RBFOX1: variants seen among roughly 807,000 people sequenced by gnomAD.
RBFOX1 encodes RNA binding fox-1 homolog 1, also known as RNA binding protein fox-1 homolog 1.
Under a neutral mutation model 57.7 loss-of-function variants are expected in RBFOX1, and 8 were observed. The ratio of observed to expected loss-of-function variants is 0.14; its 90% CI spans 0.08 to 0.25. The LOEUF is 0.25. RBFOX1 is among the 10% of genes least tolerant of loss of function. The pLI is 1.00. For missense variants in RBFOX1, 611 were observed against 548.5 expected, an observed-to-expected ratio of 1.11 and a Z score of -1.14; for synonymous variants, 326 against 222.4, an observed-to-expected ratio of 1.47 and a Z score of -4.15.
At chr16:7,439,061 C>G (rs182344765) in intron 4 of RBFOX1, among the ~76,000 whole-genome samples, 1 of 151,858 alleles carries the variant, frequency 6.6e-6, no homozygotes, top group Non-Finnish European at 1.5e-5. Context: ...GTTGAGCCAA[C>G]GCAGAGTCTC....
intron 4 of RBFOX1, among the ~76,000 whole-genome samples, chr16:7,270,582 T>G (rs531780673): frequency 6.1e-4 from 93 of 152,298 alleles, no homozygotes; most frequent in African/African-American, 2.0e-3. Context: ...AGAATCATAT[T>G]TATTCCTATG....
chr16:6,806,839 T>TATATATATATATATATA lies in RBFOX1; in HGVS notation c.-16+152189_-16+152190insATATATATATATATATA, dbSNP rs869129348. Among the ~76,000 whole-genome samples, 35 of 109,746 alleles carry TATATATATATATATATA rather than the reference T, an allele frequency of 3.2e-4. 1 individual carries two copies. Among genetic ancestry groups the TATATATATATATATATA allele is most frequent in the African/African-American group, 1.1e-3 (33 of 29,670 alleles). 72.0% of individuals were successfully genotyped at this position (109,746 alleles called of 152,430 possible). ...ATAAATATATATATATATATATATT[T>TATATATATATATATATA]TTTTTTTTTTTTGAGAGAAAGTCTT... On this transcript the variant is annotated intron_variant, in intron 3 of 15. Coordinates refer to ENST00000550418, the MANE Select transcript of RBFOX1 (RefSeq NM_018723.4).
At chr16:5,768,157 G>T (rs76562532) in intron 3 of RBFOX1, among the ~76,000 whole-genome samples, 137 of 152,266 alleles carry the variant, frequency 9.0e-4, no homozygotes, top group Non-Finnish European at 1.5e-3. Flanking sequence ...ATGAATGCAT[G>T]TGTGGCCGCG....
intron 4 of RBFOX1, among the ~76,000 whole-genome samples, chr16:7,501,256 C>T (rs1381517517): frequency 2.0e-5 from 3 of 152,198 alleles, no homozygotes; most frequent in African/African-American, 2.4e-5. Flanking sequence ...ATTTCAAGCA[C>T]TAGAGTTACT....
At chr16:6,238,411 A>C (rs2097522807) in intron 1 of RBFOX1, among the ~76,000 whole-genome samples, 1 of 152,172 alleles carries the variant, frequency 6.6e-6, no homozygotes, top group Admixed American at 6.5e-5. Context: ...ATACTGGAGA[A>C]TTTAAATAGT....
chr16:6,986,475 A>C (rs1438845575), intron 3 of RBFOX1, among the ~76,000 whole-genome samples: 1 of 152,126 alleles, frequency 6.6e-6, no homozygotes, highest in African/African-American at 2.4e-5. Flanking sequence ...CTGGTATTAC[A>C]GGCGTGAGCC....
Position 7,013,119 on chromosome 16 carries a change from C to G in RBFOX1, c.-15-38938C>G, listed in dbSNP as rs182865998. 2.0e-5 allele frequency among the ~76,000 whole-genome samples: 3 copies of G among 152,270 alleles called. No individual in the cohort carries two copies. The East Asian group carries it at 5.8e-4, about 29-fold the overall frequency. On this transcript the variant is annotated intron_variant, in intron 3 of 15. Coordinates refer to ENST00000550418, the MANE Select transcript of RBFOX1 (RefSeq NM_018723.4). ...TCTCAAAAGTCCCATCTCCAAATGT[C>G]TTTAGACTGAGGGTTAGGGATTTCA...
intron 4 of RBFOX1, among the ~76,000 whole-genome samples, chr16:7,223,745 G>C (rs1159910701): frequency 6.7e-6 from 1 of 150,190 alleles, no homozygotes; most frequent in Non-Finnish European, 1.5e-5. Context: ...AAAGAAATGA[G>C]CAAGGCAGGT....
intron 3 of RBFOX1, among the ~76,000 whole-genome samples, chr16:6,871,400 G>A (rs142372680): frequency 6.6e-6 from 1 of 152,030 alleles, no homozygotes; most frequent in Non-Finnish European, 1.5e-5. Context: ...TGGCCAGGCT[G>A]GTCTCAAACT....
chr16:7,248,652 A>G (rs1238696237), intron 4 of RBFOX1, among the ~76,000 whole-genome samples: 2 of 152,218 alleles, frequency 1.3e-5, no homozygotes, highest in Non-Finnish European at 2.9e-5. Flanking sequence ...AAACACTAAT[A>G]GTTGCTTATA....
intron 3 of RBFOX1, among the ~76,000 whole-genome samples, chr16:7,014,010 G>A (rs1270359863): frequency 6.6e-6 from 1 of 152,156 alleles, no homozygotes; most frequent in Non-Finnish European, 1.5e-5. Flanking sequence ...AAAGAAGGAA[G>A]AGTAGGTTTC....
chr16:6,805,977 C>T (rs1053910483), intron 3 of RBFOX1, among the ~76,000 whole-genome samples: 1 of 152,154 alleles, frequency 6.6e-6, no homozygotes, highest in South Asian at 2.1e-4. Flanking sequence ...GGAGGAGTTA[C>T]CTTTTGTGAG....
intron 4 of RBFOX1, among the ~76,000 whole-genome samples, chr16:7,400,640 C>G (rs183226078): frequency 1.9e-3 from 295 of 152,316 alleles, no homozygotes; most frequent in South Asian, 4.1e-3. Flanking sequence ...AAATTTGAGT[C>G]TGCTCATTCT....
At chr16:7,045,040 A>G (rs189893173) in intron 3 of RBFOX1, among the ~76,000 whole-genome samples, 83 of 152,280 alleles carry the variant, frequency 5.5e-4, no homozygotes, top group African/African-American at 1.7e-3. Context: ...GTTTTGTGCA[A>G]TGGACAGCTC....
intron 3 of RBFOX1, among the ~76,000 whole-genome samples, chr16:5,763,518 C>T (rs1567509080): frequency 6.6e-6 from 1 of 152,218 alleles, no homozygotes; most frequent in African/African-American, 2.4e-5. Context: ...CATGTCTTTA[C>T]CTTTCCTTAT....
intron 4 of RBFOX1, among the ~76,000 whole-genome samples, chr16:7,129,577 A>T (rs1049852877): frequency 3.9e-5 from 6 of 152,152 alleles, no homozygotes; most frequent in Middle Eastern, 3.4e-3. Flanking sequence ...TGGGGAAAAA[A>T]ATTGAGGAAT....
At chr16:6,408,520 G>A (rs2093359747) in intron 2 of RBFOX1, among the ~76,000 whole-genome samples, 1 of 152,094 alleles carries the variant, frequency 6.6e-6, no homozygotes, top group South Asian at 2.1e-4. Context: ...ATTCCATGGT[G>A]GGAAGCAGAC....
At chr16:7,277,312 T>A (rs1466507084) in intron 4 of RBFOX1, among the ~76,000 whole-genome samples, 1 of 152,210 alleles carries the variant, frequency 6.6e-6, no homozygotes, top group Non-Finnish European at 1.5e-5. Context: ...CATCTGTGGT[T>A]ACTCAGGGAA....
rs368520315 is a variant in RBFOX1 at position 6,625,446 on chromosome 16, C to G, written c.-63-29157C>G. 2.0e-5 allele frequency among the ~76,000 whole-genome samples: 3 copies of G among 152,178 alleles called. No individual in the cohort carries two copies. The East Asian group carries it at 5.8e-4, about 30-fold the overall frequency. ...GTAAAAATCGTCTTGTAGCTAAATC[C>G]TCAGTTGTGAAATGGGATACAAAGT... On this transcript the variant is annotated intron_variant, in intron 2 of 15. Coordinates refer to ENST00000550418, the MANE Select transcript of RBFOX1 (RefSeq NM_018723.4).
Sources: allele counts gnomAD v4.1 joint callset (sites outside exome capture counted in the v4.1 genomes callset), GRCh38; gene constraint gnomAD v4.1.1; transcripts MANE v1.5; gene names NCBI Gene and HGNC (gene_info 2026-07-23, HGNC 2026-07-21).